Variants in SNX1 observed in about 807,000 individuals in gnomAD.
The protein encoded by SNX1 is sorting nexin-1.
In SNX1, 36 loss-of-function variants were observed where a neutral mutation model predicts 71.8. The ratio of observed to expected loss-of-function variants is 0.50; its 90% CI spans 0.38 to 0.66. The LOEUF is 0.66. Among genes scored for constraint, SNX1 ranks in the 30% least tolerant of loss-of-function variants. The pLI is 0.00. For missense variants in SNX1, 612 were observed against 646.7 expected (o/e 0.95, Z 0.58); for synonymous variants, 254 against 240.7 (o/e 1.06, Z -0.51).
chr15:64,118,092 T>C, intron 2 of SNX1, 25 bp from the exon 3 acceptor site: 1 of 1,608,740 alleles, frequency 6.2e-7, no homozygotes, highest in Non-Finnish European at 8.5e-7. Context: ...CTGACCTTCA[T>C]TTTAAAATAT....
intron 4 of SNX1, among the ~76,000 whole-genome samples, chr15:64,121,318 A>T (rs1268243962): frequency 6.6e-6 from 1 of 152,160 alleles, no homozygotes; most frequent in Non-Finnish European, 1.5e-5. Flanking sequence ...TCGGCAGGCC[A>T]TTCTCCCTGT....
In SNX1 at chr15:64,134,494, A is replaced by G. The variant is rs1596007180; in HGVS notation, c.1222-170A>G. The G allele has an allele frequency of 1.4e-6, 1 of 700,478 alleles. No homozygotes were observed. The allele number at this position is 700,478 out of a possible 1,614,324, so 43.4% of individuals were successfully genotyped here. A position where few individuals can be genotyped will look rare whatever the true frequency, so the allele number is the denominator to read the frequency against. On this transcript the variant is annotated intron_variant, in intron 11 of 14. Coordinates refer to ENST00000559844, the MANE Select transcript of SNX1 (RefSeq NM_003099.5). This position sits in a 1 kb window ranked among gnomAD's most constrained non-coding sequence, Gnocchi z 4.1. ...GAAGCTTGGAGAGGAGTCTTACCCA[A>G]GCTTTGCTCCTAGACATTAAACTTC...
At chr15:64,131,521 A>T in intron 10 of SNX1, 166 bp from the exon 11 acceptor site, 2 of 635,040 alleles carry the variant, frequency 3.1e-6, no homozygotes, top group Non-Finnish European at 5.4e-6. Context: ...CATTCTCTTT[A>T]CTCTCTGAAT....
intron 5 of SNX1, 29 bp downstream of exon 5, chr15:64,123,575 A>G (rs1282164364): frequency 8.8e-6 from 14 of 1,594,068 alleles, no homozygotes; most frequent in African/African-American, 1.3e-5. Flanking sequence ...GCTGATGACC[A>G]TCTTCATAGA....
chr15:64,105,620 G>T (rs1405422809), intron 1 of SNX1, among the ~76,000 whole-genome samples: 1 of 152,158 alleles, frequency 6.6e-6, no homozygotes, highest in African/African-American at 2.4e-5. Context: ...AATTTAGAAG[G>T]TAATCCACCC....
In SNX1 at chr15:64,142,970, A is replaced by G; in HGVS notation, c.*5352A>G. 1 of 279,192 alleles carries G rather than the reference A, an allele frequency of 3.6e-6. No individual in the cohort carries two copies. The highest frequency in any genetic ancestry group is 7.1e-6 in the Non-Finnish European group (1 of 141,402). 17.3% of individuals were successfully genotyped at this position (279,192 alleles called of 1,614,324 possible). On this transcript the variant is annotated 3_prime_UTR_variant, in exon 15 of 15. Coordinates refer to ENST00000559844, the MANE Select transcript of SNX1 (RefSeq NM_003099.5). ...CTCCTGGAAATCTCAGGATGGGGCC[A>G]AGATGTGGCTGGAGAGTGTGTGGTG...
intron 1 of SNX1, among the ~76,000 whole-genome samples, chr15:64,103,244 G>T (rs184355472): frequency 2.3e-4 from 35 of 152,284 alleles, no homozygotes; most frequent in African/African-American, 8.2e-4. Flanking sequence ...GGATGCTATG[G>T]TAGTTACATT....
At chr15:64,121,117 C>T (rs146519508) in intron 4 of SNX1, among the ~76,000 whole-genome samples, 21 of 152,200 alleles carry the variant, frequency 1.4e-4, no homozygotes, top group African/African-American at 3.6e-4. Flanking sequence ...AGTTATTCAC[C>T]GCTTTAAATC....
chr15:64,134,862 C>T lies in SNX1; in HGVS notation c.1365+55C>T. 1 of 1,597,568 alleles carries T rather than the reference C, an allele frequency of 6.3e-7. No individual in the cohort carries two copies. The highest frequency in any genetic ancestry group is 8.5e-7 in the Non-Finnish European group (1 of 1,171,552). ...GTGTTCTGCTGGTTCCAAATGAACCCAGGGCCCATCCCACCCAGAGGTTTG... is the reference window on the plus strand; with the variant it reads ...GTGTTCTGCTGGTTCCAAATGAACCTAGGGCCCATCCCACCCAGAGGTTTG... On this transcript the variant is annotated intron_variant, in intron 12 of 14. Transcript: ENST00000559844. The surrounding 1 kb of genome is among the most constrained non-coding windows in gnomAD (Gnocchi z 4.1).
Position 64,118,247 on chromosome 15 carries a change from G to A in SNX1, c.399+3G>A, listed in dbSNP as rs1354327581. 4 of 1,611,726 alleles carry A rather than the reference G, an allele frequency of 2.5e-6. No homozygotes were observed. The African/African-American group carries it at 4.0e-5, about 16-fold the overall frequency. ...AGCCCCAGCCAACCTATGAGGAGGT[G>A]AGGATCTGTGCTCTTGGTCTTATCG... On this transcript the variant is annotated splice_donor_region_variant and intron_variant, in intron 3 of 14. Coordinates refer to ENST00000559844, the MANE Select transcript of SNX1 (RefSeq NM_003099.5).
intron 1 of SNX1, among the ~76,000 whole-genome samples, chr15:64,109,581 A>G (rs1005367226): frequency 1.5e-4 from 23 of 151,820 alleles, no homozygotes; most frequent in African/African-American, 4.4e-4. Context: ...TCGATAGCTC[A>G]CTGCAACCTC....
At chr15:64,125,214 G>T (rs1031620903) in intron 5 of SNX1, among the ~76,000 whole-genome samples, 1 of 152,152 alleles carries the variant, frequency 6.6e-6, no homozygotes, top group African/African-American at 2.4e-5. Flanking sequence ...TGTAATCCCA[G>T]CACTTTGGGA....
intron 1 of SNX1, among the ~76,000 whole-genome samples, chr15:64,109,199 C>T (rs1483988244): frequency 1.3e-5 from 2 of 151,918 alleles, no homozygotes; most frequent in Non-Finnish European, 2.9e-5. Context: ...GGTGAAACCC[C>T]GTCTCTACTA....
chr15:64,128,466 A>G (rs1408180418), intron 8 of SNX1, among the ~76,000 whole-genome samples: 1 of 152,250 alleles, frequency 6.6e-6, no homozygotes, highest in East Asian at 1.9e-4. Context: ...GAAATGTTTT[A>G]TCTCACAGGA....
rs907116253 is a variant in SNX1 at position 64,139,886 on chromosome 15, A to T, written c.*2268A>T. ...CAGGCTATTTTGTCGAATGTTCCTCAGTTTGGATTTGTGTGATGGTTCCGC... is the reference window on the plus strand; with the variant it reads ...CAGGCTATTTTGTCGAATGTTCCTCTGTTTGGATTTGTGTGATGGTTCCGC... On this transcript the variant is annotated 3_prime_UTR_variant, in exon 15 of 15. Transcript: ENST00000559844. 6.6e-6 allele frequency: 1 copy of T among 151,726 alleles called. No individual in the cohort carries two copies. Among genetic ancestry groups the T allele is most frequent in the South Asian group, 2.1e-4 (1 of 4,758 alleles). The allele number at this position is 151,726 out of a possible 1,614,324, so 9.4% of individuals were successfully genotyped here.
In SNX1 at chr15:64,134,935, T is replaced by TTCCTCAGCAGCCACG; in HGVS notation, c.1365+128_1365+129insTCCTCAGCAGCCACG. The TTCCTCAGCAGCCACG allele has an allele frequency of 8.0e-7, 1 of 1,257,148 alleles. No individual in the cohort carries two copies. Among genetic ancestry groups the TTCCTCAGCAGCCACG allele is most frequent in the Non-Finnish European group, 1.1e-6 (1 of 921,782 alleles). 77.9% of individuals were successfully genotyped at this position (1,257,148 alleles called of 1,614,324 possible). On this transcript the variant is annotated intron_variant, in intron 12 of 14. Coordinates refer to ENST00000559844, the MANE Select transcript of SNX1 (RefSeq NM_003099.5). This position sits in a 1 kb window ranked among gnomAD's most constrained non-coding sequence, Gnocchi z 4.1. ...CTGATTGAGTCTAAAGGGCCGTGGC[T>TTCCTCAGCAGCCACG]GCTGAGGAAGCCTCTGAGAATGACT...
At chr15:64,133,966 T>G (rs961950526) in intron 11 of SNX1, among the ~76,000 whole-genome samples, 7 of 152,224 alleles carry the variant, frequency 4.6e-5, no homozygotes, top group African/African-American at 1.7e-4. Flanking sequence ...GGGAGCTTCT[T>G]GGAGGCCTTG....
intron 1 of SNX1, among the ~76,000 whole-genome samples, chr15:64,106,170 T>G (rs1413726871): frequency 6.6e-6 from 1 of 152,216 alleles, no homozygotes; most frequent in African/African-American, 2.4e-5. Context: ...TATTATGGTT[T>G]GTTGCTTATC....
At chr15:64,130,943 G>GA (rs1465486128) in intron 10 of SNX1, among the ~76,000 whole-genome samples, 14 of 152,118 alleles carry the variant, frequency 9.2e-5, no homozygotes, top group African/African-American at 3.1e-4. Context: ...AATGAATGAG[G>GA]GGAGAAAAGA....
Sources: allele counts gnomAD v4.1 joint callset (sites outside exome capture counted in the v4.1 genomes callset), GRCh38; gene constraint gnomAD v4.1.1; non-coding constraint Gnocchi (gnomAD v3.1); transcripts MANE v1.5; gene names NCBI Gene and HGNC (gene_info 2026-07-23, HGNC 2026-07-21).